Variants in NDST4 observed in about 807,000 individuals in gnomAD.
NDST4 encodes N-deacetylase and N-sulfotransferase 4.
NDST4 carries 63 observed loss-of-function variants against 100.8 expected under a neutral mutation model. The ratio of observed to expected loss-of-function variants is 0.62; its 90% CI spans 0.51 to 0.77. NDST4 has a LOEUF of 0.77. Among genes scored for constraint, NDST4 ranks in the 30% least tolerant of loss-of-function variants. The pLI is 0.00. For missense variants in NDST4, 943 were observed against 1,018.4 expected (o/e 0.93, Z 1.01); for synonymous variants, 377 against 361.8 (o/e 1.04, Z -0.48).
At chr4:115,059,732 A>G (rs1176130639) in intron 2 of NDST4, among the ~76,000 whole-genome samples, 1 of 152,004 alleles carries the variant, frequency 6.6e-6, no homozygotes, top group Non-Finnish European at 1.5e-5. Flanking sequence ...TCTATTCTCC[A>G]CTAGCCTTAG....
intron 2 of NDST4, among the ~76,000 whole-genome samples, chr4:115,056,834 T>G (rs1728704752): frequency 6.6e-6 from 1 of 152,166 alleles, no homozygotes; most frequent in Admixed American, 6.6e-5. Context: ...AAATGTAAAT[T>G]ATAGAAAAAG....
At chr4:114,848,407 TG>T (rs1723602108) in intron 8 of NDST4, 69 bp from the exon 9 acceptor site, 1 of 1,266,854 alleles carries the variant, frequency 7.9e-7, no homozygotes, top group Admixed American at 2.5e-5. Flanking sequence ...AGCATATTTT[TG>T]CTCAAAAAGT....
chr4:114,936,554 T>C (rs1262331371), intron 5 of NDST4, among the ~76,000 whole-genome samples: 1 of 152,204 alleles, frequency 6.6e-6, no homozygotes. Flanking sequence ...GCTCTGATCT[T>C]GGCAACTAAT....
chr4:115,097,780 G>C (rs1327140980), intron 1 of NDST4, among the ~76,000 whole-genome samples: 1 of 152,060 alleles, frequency 6.6e-6, no homozygotes, highest in Non-Finnish European at 1.5e-5. Context: ...CAAATTCACA[G>C]AGTGGTCCAC....
intron 12 of NDST4, among the ~76,000 whole-genome samples, chr4:114,830,430 A>C (rs1318469612): frequency 6.6e-6 from 1 of 152,192 alleles, no homozygotes; most frequent in Non-Finnish European, 1.5e-5. Flanking sequence ...CAAAAAACAA[A>C]TTAGAAGTGT....
chr4:114,845,693 G>T (rs1055272185), intron 10 of NDST4, 130 bp downstream of exon 10: 1 of 711,938 alleles, frequency 1.4e-6, no homozygotes, highest in Non-Finnish European at 2.2e-6. Flanking sequence ...ATATTTTTTG[G>T]TGGGGGTTGT....
At chr4:115,077,408 A>C (rs1405152865) in intron 1 of NDST4, 126 bp from the exon 2 acceptor site, 3 of 158,120 alleles carry the variant, frequency 1.9e-5, no homozygotes, top group African/African-American at 7.2e-5. Flanking sequence ...ATGCTAAAAT[A>C]TTAACAACCT....
intron 1 of NDST4, among the ~76,000 whole-genome samples, chr4:115,101,477 A>T (rs1354800344): frequency 6.6e-6 from 1 of 152,132 alleles, no homozygotes; most frequent in East Asian, 1.9e-4. Flanking sequence ...AAGGCTTGCC[A>T]TGAAAATATT....
intron 4 of NDST4, among the ~76,000 whole-genome samples, chr4:114,956,984 T>C (rs1199393828): frequency 2.6e-5 from 4 of 152,064 alleles, no homozygotes; most frequent in African/African-American, 9.7e-5. Context: ...GTGCCAGACA[T>C]AGAAGACAAA....
At chr4:114,866,896 T>C (rs1229551236) in intron 7 of NDST4, among the ~76,000 whole-genome samples, 1 of 152,184 alleles carries the variant, frequency 6.6e-6, no homozygotes, top group Admixed American at 6.6e-5. Flanking sequence ...ACACTGAACA[T>C]ACTGTCAGAT....
chr4:114,980,458 A>G (rs1361438082), intron 2 of NDST4, among the ~76,000 whole-genome samples: 1 of 151,926 alleles, frequency 6.6e-6, no homozygotes, highest in African/African-American at 2.4e-5. Flanking sequence ...CCTGGCCCAC[A>G]TGGTGAAACC....
At chr4:114,849,761 C>G (rs556391631) in intron 8 of NDST4, among the ~76,000 whole-genome samples, 1 of 151,876 alleles carries the variant, frequency 6.6e-6, no homozygotes, top group Non-Finnish European at 1.5e-5. Context: ...AATGTGAAAT[C>G]GAATTATACA....
chr4:114,970,845 C>T (rs1472242317), intron 3 of NDST4, among the ~76,000 whole-genome samples: 1 of 152,114 alleles, frequency 6.6e-6, no homozygotes, highest in Non-Finnish European at 1.5e-5. Flanking sequence ...TATACTCTTA[C>T]ATATATGTTA....
chr4:115,102,676 C>T (rs1433485834), intron 1 of NDST4, among the ~76,000 whole-genome samples: 2 of 138,922 alleles, frequency 1.4e-5, no homozygotes, highest in Non-Finnish European at 3.1e-5. Flanking sequence ...CATCAGTGGT[C>T]ATTTATATAC....
At chr4:114,925,431 G>T (rs865893384) in intron 6 of NDST4, among the ~76,000 whole-genome samples, 1 of 152,080 alleles carries the variant, frequency 6.6e-6, no homozygotes, top group Non-Finnish European at 1.5e-5. Flanking sequence ...GTTATCCTGT[G>T]CCTCACAGCT....
At chr4:115,072,888 A>G (rs1729106039) in intron 2 of NDST4, among the ~76,000 whole-genome samples, 1 of 152,046 alleles carries the variant, frequency 6.6e-6, no homozygotes, top group African/African-American at 2.4e-5. Context: ...GAGTGAAGAG[A>G]CAACATATGA....
chr4:114,965,567 T>C (rs532969228), intron 4 of NDST4, among the ~76,000 whole-genome samples: 2 of 152,004 alleles, frequency 1.3e-5, no homozygotes, highest in Non-Finnish European at 2.9e-5. Flanking sequence ...GTCATGAAAA[T>C]GATACCAGAC....
chr4:115,037,767 T>C (rs558587663), intron 2 of NDST4, among the ~76,000 whole-genome samples: 2 of 152,250 alleles, frequency 1.3e-5, no homozygotes, highest in South Asian at 4.1e-4. Context: ...TCCATGTCAG[T>C]CATAGTCAGC....
intron 2 of NDST4, among the ~76,000 whole-genome samples, chr4:114,978,738 T>C (rs1726698779): frequency 1.3e-5 from 2 of 152,128 alleles, no homozygotes; most frequent in African/African-American, 4.8e-5. Context: ...CACAATTTCT[T>C]AGTCTCCTTA....
Sources: gnomAD v4.1 joint callset for allele counts (sites outside exome capture counted in the v4.1 genomes callset) on GRCh38, gnomAD v4.1.1 for gene constraint, MANE v1.5 for transcripts, NCBI Gene and HGNC (gene_info 2026-07-23, HGNC 2026-07-21) for gene names.